Variants in TFAP2D observed in about 807,000 individuals in gnomAD.
TFAP2D encodes transcription factor AP-2 delta.
A neutral mutation model predicts 43.6 loss-of-function variants in TFAP2D; 9 were observed. The ratio of observed to expected loss-of-function variants is 0.21; its 90% CI spans 0.12 to 0.36. The LOEUF (loss-of-function observed/expected upper bound fraction) is 0.36. Ranked by LOEUF, TFAP2D falls within the 10% of genes least tolerant of loss-of-function variation. The probability of loss-of-function intolerance (pLI) is 1.00; values close to 1 mark genes in which losing one functional copy is unlikely to be tolerated. For synonymous variants in TFAP2D, 256 were observed against 224.9 expected, an observed-to-expected ratio of 1.14 and a Z score of -1.24; for missense variants, 513 against 561.4, an observed-to-expected ratio of 0.91 and a Z score of 0.87.
intron 3 of TFAP2D, among the ~76,000 whole-genome samples, chr6:50,724,008 C>T (rs1360178726): frequency 6.6e-6 from 1 of 152,100 alleles, no homozygotes; most frequent in Non-Finnish European, 1.5e-5. Flanking sequence ...CCAAACAATT[C>T]GCTCCTTACA....
chr6:50,751,757 T>C (rs1294020852), intron 7 of TFAP2D, among the ~76,000 whole-genome samples: 1 of 151,882 alleles, frequency 6.6e-6, no homozygotes, highest in East Asian at 1.9e-4. Flanking sequence ...GTATATGAAT[T>C]TGGAGTGGGG....
chr6:50,748,277 C>T (rs1322523177), intron 6 of TFAP2D, among the ~76,000 whole-genome samples: 1 of 151,874 alleles, frequency 6.6e-6, no homozygotes, highest in Non-Finnish European at 1.5e-5. Context: ...AATGGTAAAG[C>T]ATGAGGTATT....
intron 5 of TFAP2D, among the ~76,000 whole-genome samples, chr6:50,739,432 T>C (rs1443453472): frequency 2.0e-5 from 3 of 152,214 alleles, no homozygotes; most frequent in African/African-American, 7.2e-5. Context: ...TAGTATTCCA[T>C]GGTGTATATG....
intron 5 of TFAP2D, 57 bp from the exon 6 acceptor site, chr6:50,745,050 C>G: frequency 6.2e-7 from 1 of 1,600,056 alleles, no homozygotes; most frequent in African/African-American, 1.3e-5. Context: ...ATGCAAGACA[C>G]TACTGTTATT....
chr6:50,771,910 A>G (rs895852980), intron 7 of TFAP2D, among the ~76,000 whole-genome samples: 1 of 152,210 alleles, frequency 6.6e-6, no homozygotes, highest in Non-Finnish European at 1.5e-5. Flanking sequence ...CCAAAGGATT[A>G]TAAATCATGC....
chr6:50,750,193 C>T (rs947076629), intron 6 of TFAP2D, among the ~76,000 whole-genome samples: 1 of 151,860 alleles, frequency 6.6e-6, no homozygotes, highest in African/African-American at 2.4e-5. Flanking sequence ...GAATAATGGC[C>T]GGGTTCATAT....
At position 50,751,214 on chromosome 6, in the gene TFAP2D, A is replaced by G; in HGVS notation, c.1029A>G (p.Gln343=). ...AAATTTGATTCTTTTATTTTAGACA[A>G]ATCTGTAAAGAATTCCAAGACCTCT... ...ARKKMILATK[Q]ICKEFQDLLS... The change falls in exon 7 of 8, where the codon CAA becomes CAG. Residue 343 remains glutamine (Q), a synonymous_variant. Coordinates refer to ENST00000008391, the MANE Select transcript of TFAP2D (RefSeq NM_172238.4). 1 of 1,601,564 alleles carries G rather than the reference A, an allele frequency of 6.2e-7. No homozygotes were observed. Among genetic ancestry groups the G allele is most frequent in the East Asian group, 2.2e-5 (1 of 44,680 alleles).
chr6:50,742,957 ACACACACAC>A (rs1769073526), intron 5 of TFAP2D, among the ~76,000 whole-genome samples: 1 of 83,838 alleles, frequency 1.2e-5, no homozygotes, highest in African/African-American at 7.3e-5. Context: ...ACTTTAAAAC[ACACACACAC>A]ACACACACAC....
At chr6:50,716,907 C>A (rs1768636649) in intron 2 of TFAP2D, among the ~76,000 whole-genome samples, 1 of 152,156 alleles carries the variant, frequency 6.6e-6, no homozygotes, top group Non-Finnish European at 1.5e-5. Flanking sequence ...AAGTGAAAGC[C>A]CTTACAGTCC....
At position 50,715,127 on chromosome 6, in the gene TFAP2D, C is replaced by T. The variant is rs1200321433; in HGVS notation, c.51C>T (p.Asp17=). 1.9e-6 allele frequency: 3 copies of T among 1,613,786 alleles called. No individual in the cohort carries two copies. Among genetic ancestry groups the T allele is most frequent in the African/African-American group, 2.7e-5 (2 of 74,894 alleles). ...CCTCTTCCTTCCAGATACGTCACGA[C>T]GGATCAAACAGCTACCGTTTGATGC... ...GLVHDAEIRH[D]GSNSYRLMQL... The change falls in exon 2 of 8, where the codon GAC becomes GAT. Residue 17 remains aspartate (D), a synonymous_variant. Transcript: ENST00000008391.
In TFAP2D at chr6:50,713,565, C is replaced by A. The variant is rs1219144250; in HGVS notation, c.-491C>A. ...CTTCACAATAAAATGTGTGCAAATACTCTCCACAGAGATAAGTCCCCACCT... is the reference window on the plus strand; with the variant it reads ...CTTCACAATAAAATGTGTGCAAATAATCTCCACAGAGATAAGTCCCCACCT... On this transcript the variant is annotated 5_prime_UTR_variant, in exon 1 of 8. Coordinates refer to ENST00000008391, the MANE Select transcript of TFAP2D (RefSeq NM_172238.4). Among the ~76,000 whole-genome samples the A allele has an allele frequency of 2.0e-5, 3 of 152,142 alleles. No individual in the cohort carries two copies. Among genetic ancestry groups the A allele is most frequent in the Non-Finnish European group, 2.9e-5 (2 of 68,012 alleles).
chr6:50,721,101 C>G (rs897017218), intron 3 of TFAP2D, among the ~76,000 whole-genome samples: 3 of 152,186 alleles, frequency 2.0e-5, no homozygotes, highest in African/African-American at 7.2e-5. Flanking sequence ...AAAATGTTAG[C>G]TACCTTATCA....
intron 3 of TFAP2D, among the ~76,000 whole-genome samples, chr6:50,721,301 A>G (rs1768719965): frequency 6.6e-6 from 1 of 152,014 alleles, no homozygotes; most frequent in South Asian, 2.1e-4. Flanking sequence ...GTTTGACTAA[A>G]CCCCTCTTCA....
chr6:50,769,199 G>T (rs558982766), intron 7 of TFAP2D, among the ~76,000 whole-genome samples: 1 of 152,184 alleles, frequency 6.6e-6, no homozygotes, highest in East Asian at 1.9e-4. Context: ...CAGCCCTGAA[G>T]TGGTTTTTCA....
chr6:50,766,799 G>C (rs571667497), intron 7 of TFAP2D, among the ~76,000 whole-genome samples: 1 of 151,108 alleles, frequency 6.6e-6, no homozygotes, highest in African/African-American at 2.4e-5. Context: ...CTCCCGAGTA[G>C]CTGGGACTAC....
intron 5 of TFAP2D, among the ~76,000 whole-genome samples, chr6:50,732,777 A>G (rs1166658035): frequency 6.6e-6 from 1 of 152,108 alleles, no homozygotes; most frequent in Non-Finnish European, 1.5e-5. Context: ...GTTTTTCACA[A>G]ACAACACTTG....
intron 3 of TFAP2D, among the ~76,000 whole-genome samples, chr6:50,719,495 A>AAGAT (rs1313393228): frequency 9.5e-4 from 126 of 132,722 alleles, no homozygotes; most frequent in Non-Finnish European, 1.9e-3. Flanking sequence ...GAAAGAAAGA[A>AAGAT]AGAAAGAAGT....
chr6:50,750,975 G>T (rs549663382), intron 6 of TFAP2D, among the ~76,000 whole-genome samples: 1 of 152,090 alleles, frequency 6.6e-6, no homozygotes, highest in South Asian at 2.1e-4. Flanking sequence ...GGTCTTATCA[G>T]TGCTCATGGA....
At position 50,772,801 on chromosome 6, in the gene TFAP2D, A is replaced by C. The variant is rs763394103; in HGVS notation, c.1296A>C (p.Lys432Asn). The C allele has an allele frequency of 6.2e-7, 1 of 1,614,116 alleles. No individual in the cohort carries two copies. Residue 432 changes from lysine to asparagine, a missense_variant, in exon 8 of 8, where the codon AAA (lysine) becomes AAC (asparagine). Coordinates refer to ENST00000008391, the MANE Select transcript of TFAP2D (RefSeq NM_172238.4). ...DSGQGHANSE[K>N]APLRKTSEAA... Reference sequence around the variant, plus strand: ...GCCAAGGACATGCCAACTCGGAGAAAGCTCCCCTGCGGAAAACTTCAGAGG... The same window carrying C: ...GCCAAGGACATGCCAACTCGGAGAACGCTCCCCTGCGGAAAACTTCAGAGG...
Sources: allele counts gnomAD v4.1 joint callset (sites outside exome capture counted in the v4.1 genomes callset), GRCh38; gene constraint gnomAD v4.1.1; transcripts MANE v1.5; gene names NCBI Gene and HGNC (gene_info 2026-07-23, HGNC 2026-07-21).